PKNOX2: variants seen among roughly 807,000 people sequenced by gnomAD.
PKNOX2 encodes the protein PBX/knotted 1 homeobox 2, also known as homeobox protein PKNOX2.
A neutral mutation model predicts 53.1 loss-of-function variants in PKNOX2; 14 were observed. The observed-to-expected ratio is 0.26, with a 90% CI of 0.17 to 0.41. PKNOX2 has a LOEUF of 0.41. Among genes scored for constraint, PKNOX2 ranks in the 10% least tolerant of loss-of-function variants. The pLI is 1.00. For missense variants in PKNOX2, 496 were observed against 602.8 expected (o/e 0.82, Z 1.85); for synonymous variants, 257 against 242.8 (o/e 1.06, Z -0.54).
chr11:125,168,920 T>G (rs1955080881), intron 1 of PKNOX2, among the ~76,000 whole-genome samples: 1 of 152,272 alleles, frequency 6.6e-6, no homozygotes, highest in African/African-American at 2.4e-5. Context: ...TTTATTTAGC[T>G]TCCCCCTCCC....
rs745442424 is a variant in PKNOX2, at chr11:125,222,765, GTA to G, written c.-200-12278_-200-12277del. On this transcript the variant is annotated intron_variant, in intron 1 of 12. Coordinates refer to ENST00000298282, the MANE Select transcript of PKNOX2 (RefSeq NM_001382323.2). ...TGTGTCTGTGTGCCTGTGTATGTGTGTATGTGTGTGTGTATGTGTGTATGTGT... is the reference window on the plus strand; with the variant it reads ...TGTGTCTGTGTGCCTGTGTATGTGTGTGTGTGTGTGTATGTGTGTATGTGT... Among the ~76,000 whole-genome samples the G allele has an allele frequency of 1.5e-4, 22 of 151,302 alleles. No homozygotes were observed. The East Asian group carries it at 1.8e-3, about 12-fold the overall frequency.
intron 6 of PKNOX2, among the ~76,000 whole-genome samples, chr11:125,393,719 G>T (rs1954221593): frequency 6.6e-6 from 1 of 152,064 alleles, no homozygotes; most frequent in East Asian, 1.9e-4. Flanking sequence ...AGTGAGAGAT[G>T]GGAGATCAGA....
intron 1 of PKNOX2, among the ~76,000 whole-genome samples, chr11:125,179,198 T>C (rs1956009357): frequency 6.6e-6 from 1 of 152,170 alleles, no homozygotes; most frequent in African/African-American, 2.4e-5. Flanking sequence ...CAGCATTATC[T>C]TGGTGCCAGG....
At chr11:125,413,061 C>T (rs945537186) in intron 10 of PKNOX2, among the ~76,000 whole-genome samples, 12 of 152,154 alleles carry the variant, frequency 7.9e-5, no homozygotes, top group African/African-American at 2.4e-4. Context: ...AGCCGGAGCT[C>T]GGCATCTCCC....
intron 2 of PKNOX2, among the ~76,000 whole-genome samples, chr11:125,260,394 T>C (rs918292323): frequency 3.3e-5 from 5 of 151,950 alleles, no homozygotes; most frequent in Admixed American, 1.3e-4. Context: ...AGACGGGGTT[T>C]CACCATGTTG....
At chr11:125,360,238 G>A (rs112990700) in intron 4 of PKNOX2, among the ~76,000 whole-genome samples, 5,111 of 152,240 alleles carry the variant, frequency 0.034, 99 homozygotes, top group East Asian at 0.091. Context: ...GAGGCCCTGT[G>A]GGAGGTGTGT....
intron 1 of PKNOX2, among the ~76,000 whole-genome samples, chr11:125,179,868 A>AG (rs1423189731): frequency 6.6e-5 from 10 of 152,340 alleles, no homozygotes; most frequent in Middle Eastern, 3.4e-3. Context: ...CAAATGCATT[A>AG]GGTATTTTGC....
chr11:125,343,988 G>A (rs1950842436), intron 3 of PKNOX2, among the ~76,000 whole-genome samples: 1 of 152,212 alleles, frequency 6.6e-6, no homozygotes, highest in Non-Finnish European at 1.5e-5. Flanking sequence ...TGGTCGGGCT[G>A]GAGTTCAAGG....
At chr11:125,278,361 G>A (rs986247231) in intron 2 of PKNOX2, among the ~76,000 whole-genome samples, 1 of 152,220 alleles carries the variant, frequency 6.6e-6, no homozygotes, top group Non-Finnish European at 1.5e-5. Context: ...GGAAGTCTGG[G>A]TTTCCCCTAA....
chr11:125,370,217 G>C lies in PKNOX2; in HGVS notation c.227+2232G>C, dbSNP rs917372306. On this transcript the variant is annotated intron_variant, in intron 5 of 12. Transcript: ENST00000298282. The surrounding 1 kb of genome is among the most constrained non-coding windows in gnomAD (Gnocchi z 4.1). ...GGAACCTAAGCAGCAGACTTGATAA[G>C]AATCAATGAGACGGCCCGTGGAGGC... 2.0e-5 allele frequency among the ~76,000 whole-genome samples: 3 copies of C among 152,142 alleles called. No individual in the cohort carries two copies. The highest frequency in any genetic ancestry group is 4.4e-5 in the Non-Finnish European group (3 of 68,044).
rs1188793438 is a variant in PKNOX2 at position 125,431,789 on chromosome 11, C to G, written c.*397C>G. The stretch of plus-strand genomic sequence containing the variant: ...GCTGTTCGCAGAGTAGGCCTTTGCC[C>G]GGGGGCAGACTTAGAAGGAAGGGGA... On this transcript the variant is annotated 3_prime_UTR_variant, in exon 13 of 13. Coordinates refer to ENST00000298282, the MANE Select transcript of PKNOX2 (RefSeq NM_001382323.2). 2.3e-5 allele frequency: 4 copies of G among 176,786 alleles called. No individual in the cohort carries two copies. The highest frequency in any genetic ancestry group is 7.1e-5 in the African/African-American group (3 of 42,320). The allele number at this position is 176,786 out of a possible 1,614,324, so 11.0% of individuals were successfully genotyped here.
chr11:125,390,379 G>A (rs1953972005), intron 6 of PKNOX2, among the ~76,000 whole-genome samples: 1 of 152,176 alleles, frequency 6.6e-6, no homozygotes, highest in Non-Finnish European at 1.5e-5. Context: ...AAGCAGCTCT[G>A]GAGCTAATAT....
chr11:125,335,975 A>T (rs78064336), intron 3 of PKNOX2, among the ~76,000 whole-genome samples: 5,020 of 152,318 alleles, frequency 0.033, 134 homozygotes, highest in East Asian at 0.12. Context: ...TTTGCTGTTT[A>T]TTATAACACA....
At chr11:125,304,036 G>C (rs1035052809) in intron 2 of PKNOX2, among the ~76,000 whole-genome samples, 1 of 152,210 alleles carries the variant, frequency 6.6e-6, no homozygotes, top group Non-Finnish European at 1.5e-5. Flanking sequence ...ATGTTGTTGG[G>C]ATCTGGATGT....
intron 1 of PKNOX2, among the ~76,000 whole-genome samples, chr11:125,180,240 T>C (rs1956078267): frequency 6.6e-6 from 1 of 152,180 alleles, no homozygotes; most frequent in South Asian, 2.1e-4. Flanking sequence ...ATCCCTTTTG[T>C]CCCCTCCCTG....
In PKNOX2 at chr11:125,430,772, G is replaced by C. The variant is rs144545379; in HGVS notation, c.1193-394G>C. On this transcript the variant is annotated intron_variant, in intron 12 of 12. Coordinates refer to ENST00000298282, the MANE Select transcript of PKNOX2 (RefSeq NM_001382323.2). Reference sequence around the variant, plus strand: ...GGTTATGATGGGAAAAAAAAAAACAGATTTAGGGGGCTGGACCAGCCTGGG... The same window carrying C: ...GGTTATGATGGGAAAAAAAAAAACACATTTAGGGGGCTGGACCAGCCTGGG... Among the ~76,000 whole-genome samples, 652 of 143,586 alleles carry C rather than the reference G, an allele frequency of 4.5e-3. 7 individuals carry two copies. The highest frequency in any genetic ancestry group is 0.015 in the African/African-American group (603 of 39,032). 94.2% of individuals were successfully genotyped at this position (143,586 alleles called of 152,430 possible). A position where few individuals can be genotyped will look rare whatever the true frequency, so the allele number is the denominator to read the frequency against.
intron 2 of PKNOX2, among the ~76,000 whole-genome samples, chr11:125,236,087 C>G (rs1942658828): frequency 6.6e-6 from 1 of 152,238 alleles, no homozygotes; most frequent in Non-Finnish European, 1.5e-5. Flanking sequence ...CAGCGCACAT[C>G]TTCACCTCTG....
intron 2 of PKNOX2, among the ~76,000 whole-genome samples, chr11:125,243,640 T>G (rs1315135417): frequency 4.1e-4 from 61 of 150,168 alleles, no homozygotes; most frequent in Non-Finnish European, 7.7e-4. Context: ...TTTTTTTTTT[T>G]GAGATAGGGT....
At chr11:125,229,300 A>G (rs1271501275) in intron 1 of PKNOX2, among the ~76,000 whole-genome samples, 5 of 152,126 alleles carry the variant, frequency 3.3e-5, no homozygotes, top group Non-Finnish European at 5.9e-5. Context: ...CCTTCTCTCT[A>G]TGGGGCAAAC....
Sources: gnomAD v4.1 joint callset for allele counts (sites outside exome capture counted in the v4.1 genomes callset) on GRCh38, gnomAD v4.1.1 for gene constraint, Gnocchi (gnomAD v3.1) non-coding constraint, MANE v1.5 for transcripts, NCBI Gene and HGNC (gene_info 2026-07-23, HGNC 2026-07-21) for gene names.